Variants in CFAP97 observed in about 807,000 individuals in gnomAD.
The protein encoded by CFAP97 is cilia and flagella associated protein 97, also known as cilia- and flagella-associated protein 97.
A neutral mutation model predicts 43.1 loss-of-function variants in CFAP97; 36 were observed. That is an observed-to-expected ratio of 0.84 (90% CI 0.64 to 1.10). The LOEUF (loss-of-function observed/expected upper bound fraction) is 1.10, where lower values mean the gene tolerates loss of function less well. Ranked by LOEUF, CFAP97 falls within the 50% of genes least tolerant of loss-of-function variation. CFAP97 has a pLI of 0.00. For synonymous variants in CFAP97, 228 were observed against 225.7 expected (o/e 1.01, Z -0.09); for missense variants, 657 against 620.3 (o/e 1.06, Z -0.63).
At chr4:185,173,555 G>A (rs997036377) in intron 3 of CFAP97, among the ~76,000 whole-genome samples, 1 of 152,074 alleles carries the variant, frequency 6.6e-6, no homozygotes, top group Non-Finnish European at 1.5e-5. Flanking sequence ...ATAGTATTCA[G>A]CCATAAAAAG....
At position 185,190,125 on chromosome 4, in the gene CFAP97, A is replaced by G; in HGVS notation, c.1054+18T>C. The G allele has an allele frequency of 6.6e-7, 1 of 1,515,770 alleles. No individual in the cohort carries two copies. Among genetic ancestry groups the G allele is most frequent in the Non-Finnish European group, 8.9e-7 (1 of 1,125,530 alleles). 93.9% of individuals were successfully genotyped at this position (1,515,770 alleles called of 1,614,324 possible). A position where few individuals can be genotyped will look rare whatever the true frequency, so the allele number is the denominator to read the frequency against. On this transcript the variant is annotated intron_variant, in intron 2 of 4. Transcript: ENST00000458385. ...TATAATATTTAAACACACATTTTTAAGAAGAAAAGAAAATTACCTTTCAAG... is the reference window on the plus strand; with the variant it reads ...TATAATATTTAAACACACATTTTTAGGAAGAAAAGAAAATTACCTTTCAAG...
chr4:185,164,955 C>T (rs6850275), intron 3 of CFAP97, among the ~76,000 whole-genome samples: 63,513 of 152,142 alleles, frequency 0.42, 13,434 homozygotes, highest in Middle Eastern at 0.56. Context: ...AGTAGTGCCT[C>T]AAGGGCTTGT....
At chr4:185,165,442 G>A (rs908446770) in intron 3 of CFAP97, among the ~76,000 whole-genome samples, 1 of 152,158 alleles carries the variant, frequency 6.6e-6, no homozygotes, top group African/African-American at 2.4e-5. Flanking sequence ...TTTCTTAAAA[G>A]GTGAAAGAGT....
At chr4:185,192,536 G>A (rs1348172833) in intron 1 of CFAP97, among the ~76,000 whole-genome samples, 1 of 151,884 alleles carries the variant, frequency 6.6e-6, no homozygotes, top group East Asian at 1.9e-4. Flanking sequence ...GTATTACTAT[G>A]ATAAAAAATT....
intron 2 of CFAP97, among the ~76,000 whole-genome samples, chr4:185,180,532 T>C (rs1404692790): frequency 2.6e-5 from 4 of 152,180 alleles, no homozygotes; most frequent in African/African-American, 9.7e-5. Flanking sequence ...GATTGCCTTA[T>C]TTCACTTAGC....
intron 2 of CFAP97, among the ~76,000 whole-genome samples, chr4:185,183,550 T>C (rs1419626682): frequency 6.6e-6 from 1 of 152,240 alleles, no homozygotes; most frequent in Admixed American, 6.5e-5. Flanking sequence ...ATGACCACAG[T>C]TGCAGTTATA....
chr4:185,190,043 TA>T, intron 2 of CFAP97, 99 bp downstream of exon 2: 1 of 876,768 alleles, frequency 1.1e-6, no homozygotes, highest in Non-Finnish European at 1.6e-6. Flanking sequence ...TTCCCAACAA[TA>T]AAAAATATCT....
rs367609048 is a variant in CFAP97, at chr4:185,164,136, A to C, written c.1364T>G (p.Met455Arg). 33 of 1,613,900 alleles carry C rather than the reference A, an allele frequency of 2.0e-5. No homozygotes were observed. Among genetic ancestry groups the C allele is most frequent in the Non-Finnish European group, 2.8e-5 (33 of 1,179,884 alleles). The change falls in exon 4 of 5, where the codon ATG becomes AGG. Residue 455 changes from methionine to arginine, a missense_variant. By Grantham distance (91) the Met-to-Arg change is moderately conservative (BLOSUM62 -1). Transcript: ENST00000458385. ...GTCCATCAGTTGTTCTGAACGTTTC[A>C]TACCAACTGTTGGTTTCACGGCCTC... ...RLEAVKPTVG[M>R]KRSEQLMDYH...
chr4:185,175,262 T>C (rs535262474), intron 3 of CFAP97, among the ~76,000 whole-genome samples: 17 of 127,882 alleles, frequency 1.3e-4, no homozygotes, highest in Admixed American at 1.1e-3. Flanking sequence ...CTCTCTCTCT[T>C]TTTTCTTCTC....
chr4:185,173,772 G>A lies in CFAP97; in HGVS notation c.1320+2014C>T, dbSNP rs1579236217. 2.0e-5 allele frequency among the ~76,000 whole-genome samples: 3 copies of A among 152,280 alleles called. No homozygotes were observed. In the East Asian group the frequency reaches 5.8e-4, roughly 29 times the overall value. On this transcript the variant is annotated intron_variant, in intron 3 of 4. Transcript: ENST00000458385. ...GAGTTGTTTAATAAGCACAGCATCT[G>A]TATGAAGTGATGAAAACGTTTTAGA...
intron 1 of CFAP97, among the ~76,000 whole-genome samples, chr4:185,198,772 AGAGCG>A: frequency 2.9e-5 from 3 of 102,340 alleles, no homozygotes; most frequent in East Asian, 3.3e-4. Flanking sequence ...CTGGGCAACA[AGAGCG>A]AAACTCCATC....
chr4:185,194,183 T>A (rs1049396016), intron 1 of CFAP97, among the ~76,000 whole-genome samples: 1 of 152,162 alleles, frequency 6.6e-6, no homozygotes, highest in Non-Finnish European at 1.5e-5. Flanking sequence ...ACTTAGCATC[T>A]GATCCCTTAC....
Position 185,160,637 on chromosome 4 carries a change from T to C in CFAP97, c.*2161A>G, listed in dbSNP as rs1473671550. 1 of 147,250 alleles carries C rather than the reference T, an allele frequency of 6.8e-6. No homozygotes were observed. Among genetic ancestry groups the C allele is most frequent in the African/African-American group, 2.5e-5 (1 of 39,930 alleles). 9.1% of individuals were successfully genotyped at this position (147,250 alleles called of 1,614,324 possible). A position where few individuals can be genotyped will look rare whatever the true frequency, so the allele number is the denominator to read the frequency against. ...CAACTTTTACTTTAAGTTGGATCCC[T>C]GTTATCAGTAATACTTAGATGAACC... On this transcript the variant is annotated 3_prime_UTR_variant, in exon 5 of 5. Coordinates refer to ENST00000458385, the MANE Select transcript of CFAP97 (RefSeq NM_020827.3).
At chr4:185,192,227 G>C (rs1386626081) in intron 1 of CFAP97, among the ~76,000 whole-genome samples, 1 of 152,174 alleles carries the variant, frequency 6.6e-6, no homozygotes, top group African/African-American at 2.4e-5. Flanking sequence ...TTCTGAATAT[G>C]TAATCACAAA....
At chr4:185,189,351 C>T (rs1052819575) in intron 2 of CFAP97, among the ~76,000 whole-genome samples, 2 of 152,132 alleles carry the variant, frequency 1.3e-5, no homozygotes, top group South Asian at 2.1e-4. Flanking sequence ...TACATTGCTA[C>T]CATATGCAAT....
intron 3 of CFAP97, among the ~76,000 whole-genome samples, chr4:185,172,399 G>A (rs780731934): frequency 6.6e-5 from 10 of 152,134 alleles, no homozygotes; most frequent in Non-Finnish European, 1.0e-4. Flanking sequence ...TTATACAATC[G>A]TTGCCTTCCT....
chr4:185,198,453 A>AAAAGGAGG (rs1553975361), intron 1 of CFAP97, among the ~76,000 whole-genome samples: 29 of 147,380 alleles, frequency 2.0e-4, no homozygotes, highest in Admixed American at 1.4e-3. Context: ...AAAAAAAAAA[A>AAAAGGAGG]AAAGAAAGAA....
chr4:185,194,943 G>GA (rs1440759554), intron 1 of CFAP97, among the ~76,000 whole-genome samples: 1 of 152,072 alleles, frequency 6.6e-6, no homozygotes, highest in East Asian at 1.9e-4. Context: ...TGGTTGAAAC[G>GA]AATCAATGGA....
chr4:185,205,408 C>T (rs1218422162), upstream of CFAP97, among the ~76,000 whole-genome samples: 5 of 151,038 alleles, frequency 3.3e-5, no homozygotes, highest in Non-Finnish European at 7.4e-5. Context: ...GAGCCGAGAT[C>T]GTGCCACTGC....
Sources: allele counts gnomAD v4.1 joint callset (sites outside exome capture counted in the v4.1 genomes callset), GRCh38; gene constraint gnomAD v4.1.1; transcripts MANE v1.5; gene names NCBI Gene and HGNC (gene_info 2026-07-23, HGNC 2026-07-21).